Variants in FOSL2 observed in about 807,000 individuals in gnomAD.
FOSL2 encodes FOS like 2, AP-1 transcription factor subunit, also known as fos-related antigen 2.
In FOSL2, 3 loss-of-function variants were observed where a neutral mutation model predicts 27.7. That is an observed-to-expected ratio of 0.11 (90% CI 0.05 to 0.28). The LOEUF (loss-of-function observed/expected upper bound fraction) is 0.28. FOSL2 is among the 10% of genes least tolerant of loss of function. The pLI, the probability that FOSL2 is intolerant of heterozygous loss-of-function variation, is 1.00. For synonymous variants in FOSL2, 179 were observed against 190.1 expected, an observed-to-expected ratio of 0.94 and a Z score of 0.48; for missense variants, 333 against 445.1, an observed-to-expected ratio of 0.75 and a Z score of 2.27.
At chr2:28,394,439 CCCTG>C (rs1192536380) in intron 1 of FOSL2, 6 of 153,024 alleles carry the variant, frequency 3.9e-5, no homozygotes, top group Non-Finnish European at 8.8e-5. Flanking sequence ...CCTGTGTGCC[CCCTG>C]CCTGCCTGCC....
intron 1 of FOSL2, among the ~76,000 whole-genome samples, chr2:28,399,583 T>C (rs924865372): frequency 6.6e-6 from 1 of 152,192 alleles, no homozygotes; most frequent in Non-Finnish European, 1.5e-5. Flanking sequence ...GGAGTTTCCA[T>C]GCCCAAAGAC....
rs1664209443 is a variant in FOSL2 at position 28,411,931 on chromosome 2, A to C, written c.464A>C (p.Glu155Ala). The C allele has an allele frequency of 6.2e-7, 1 of 1,614,036 alleles. No homozygotes were observed. Among genetic ancestry groups the C allele is most frequent in the Non-Finnish European group, 8.5e-7 (1 of 1,180,028 alleles). The change falls in exon 4 of 4, where the codon GAG becomes GCG. Residue 155 changes from glutamate to alanine, a missense_variant and splice_region_variant. By Grantham distance (107) the Glu-to-Ala change is moderately radical. Coordinates refer to ENST00000264716, the MANE Select transcript of FOSL2 (RefSeq NM_005253.4). ...CACATCCCTCTCTTTCCGTGGCAGGAGACAGAGGAGCTGGAGGAGGAGAAG... is the reference window on the plus strand; with the variant it reads ...CACATCCCTCTCTTTCCGTGGCAGGCGACAGAGGAGCTGGAGGAGGAGAAG... ...RRELTEKLQA[E>A]TEELEEEKSG... is the part of the protein sequence containing the mutation.
chr2:28,406,528 A>G (rs1243741750), intron 2 of FOSL2, among the ~76,000 whole-genome samples: 1 of 152,138 alleles, frequency 6.6e-6, no homozygotes, highest in Non-Finnish European at 1.5e-5. Flanking sequence ...ACAGTGAATT[A>G]GTAGCAGAGC....
At chr2:28,406,740 A>G (rs1664091102) in intron 2 of FOSL2, among the ~76,000 whole-genome samples, 1 of 152,238 alleles carries the variant, frequency 6.6e-6, no homozygotes, top group African/African-American at 2.4e-5. Context: ...GTGGCAGCCT[A>G]GAACTTTGGC....
rs1385546653 is a variant in FOSL2, at chr2:28,404,801, C to CCTACGGG, written c.354+444_354+450dup. The stretch of plus-strand genomic sequence containing the variant: ...TAGTGCAGGCCAGGCACCCAGCAGA[C>CCTACGGG]CTACGGGGTCAAGCTCTGGGTCGGT... On this transcript the variant is annotated intron_variant, in intron 2 of 3. Transcript: ENST00000264716. This position sits in a 1 kb window ranked among gnomAD's most constrained non-coding sequence, Gnocchi z 4.7. 6.6e-6 allele frequency among the ~76,000 whole-genome samples: 1 copy of CCTACGGG among 152,186 alleles called. No homozygotes were observed. Among genetic ancestry groups the CCTACGGG allele is most frequent in the African/African-American group, 2.4e-5 (1 of 41,450 alleles).
intron 2 of FOSL2, among the ~76,000 whole-genome samples, chr2:28,406,747 T>C (rs1572492078): frequency 6.6e-6 from 1 of 152,358 alleles, no homozygotes; most frequent in East Asian, 1.9e-4. Flanking sequence ...CCTAGAACTT[T>C]GGCTGTTCAG....
chr2:28,408,720 G>A lies in FOSL2; in HGVS notation c.355-39G>A, dbSNP rs372787682. Reference sequence around the variant, plus strand: ...TTTTTAAAAAATACTGTGAACCATTGTCTCTGTTCTAACCATGATCCTTGG... The same window carrying A: ...TTTTTAAAAAATACTGTGAACCATTATCTCTGTTCTAACCATGATCCTTGG... On this transcript the variant is annotated intron_variant, in intron 2 of 3. Transcript: ENST00000264716. This position sits in a 1 kb window ranked among gnomAD's most constrained non-coding sequence, Gnocchi z 4.1. 12 of 1,416,654 alleles carry A rather than the reference G, an allele frequency of 8.5e-6. 1 individual carries two copies. The African/African-American group carries it at 8.7e-5, about 10-fold the overall frequency. 87.8% of individuals were successfully genotyped at this position (1,416,654 alleles called of 1,614,324 possible). A position where few individuals can be genotyped will look rare whatever the true frequency, so the allele number is the denominator to read the frequency against.
intron 1 of FOSL2, 137 bp from the exon 2 acceptor site, chr2:28,403,970 C>T (rs1411258782): frequency 1.1e-6 from 1 of 935,374 alleles, no homozygotes; most frequent in East Asian, 2.5e-5. Context: ...CCAGGCCCAC[C>T]TGGGGTCCTG....
chr2:28,396,894 C>T (rs1450495062), intron 1 of FOSL2: 1 of 150,488 alleles, frequency 6.6e-6, no homozygotes, highest in African/African-American at 2.5e-5. Context: ...TTCCTCACAT[C>T]AAAGAACTTT....
rs1375456394 is a variant in FOSL2 at position 28,408,561 on chromosome 2, A to T, written c.355-198A>T. 6.6e-6 allele frequency among the ~76,000 whole-genome samples: 1 copy of T among 152,214 alleles called. No individual in the cohort carries two copies. The highest frequency in any genetic ancestry group is 2.4e-5 in the African/African-American group (1 of 41,450). On this transcript the variant is annotated intron_variant, in intron 2 of 3. Transcript: ENST00000264716. This position sits in a 1 kb window ranked among gnomAD's most constrained non-coding sequence, Gnocchi z 4.1. ...TCACCTTCCGGGGCAGATTCAGCTC[A>T]AAAGAGCCCTCCCAGGCAGCCAGAC...
Position 28,414,873 on chromosome 2 carries a change from G to A in FOSL2, c.*2425G>A, listed in dbSNP as rs1266983536. 1 of 152,202 alleles carries A rather than the reference G, an allele frequency of 6.6e-6. No individual in the cohort carries two copies. Among genetic ancestry groups the A allele is most frequent in the Non-Finnish European group, 1.5e-5 (1 of 68,038 alleles). 9.4% of individuals were successfully genotyped at this position (152,202 alleles called of 1,614,324 possible). On this transcript the variant is annotated 3_prime_UTR_variant, in exon 4 of 4. Coordinates refer to ENST00000264716, the MANE Select transcript of FOSL2 (RefSeq NM_005253.4). The stretch of plus-strand genomic sequence containing the variant: ...AAGAGGACTCTGAGCTACGTGCCCT[G>A]TGAAGACCCCCAGGCTTTGTCATAG...
chr2:28,398,441 C>A (rs967489163), intron 1 of FOSL2, among the ~76,000 whole-genome samples: 1 of 152,248 alleles, frequency 6.6e-6, no homozygotes, highest in Non-Finnish European at 1.5e-5. Context: ...GTGTCATTCC[C>A]ATGGAGTACA....
Position 28,393,095 on chromosome 2 carries a change from G to T in FOSL2, c.-626G>T. 2.4e-6 allele frequency: 1 copy of T among 419,488 alleles called. No homozygotes were observed. Among genetic ancestry groups the T allele is most frequent in the Non-Finnish European group, 4.2e-6 (1 of 235,476 alleles). 26.0% of individuals were successfully genotyped at this position (419,488 alleles called of 1,614,324 possible). ...CGCCAGCTCTACTTGAGCCCCACGA[G>T]CCGCTGTCCCCCTGGCGCGCTCGGG... On this transcript the variant is annotated 5_prime_UTR_variant, in exon 1 of 4. Coordinates refer to ENST00000264716, the MANE Select transcript of FOSL2 (RefSeq NM_005253.4). The surrounding 1 kb of genome is among the most constrained non-coding windows in gnomAD (Gnocchi z 4.6).
chr2:28,412,111 C>G lies in FOSL2; in HGVS notation c.644C>G (p.Ser215Trp), dbSNP rs145636135. ...CAGCCCATGCGCAGTGGGGGTGGCT[C>G]GGTGGGCGCTGTAGTGGTGAAACAG... The part of the protein sequence containing the change: ...GLQPMRSGGG[S>W]VGAVVVKQEP... The change falls in exon 4 of 4, where the codon TCG becomes TGG. Residue 215 changes from serine (S) to tryptophan (W), a missense_variant. By Grantham distance (177) the Ser-to-Trp change is radical. This residue lies in a region of FOSL2 where 136 missense variants were observed against 123.7 expected (regional missense o/e 1.10). Transcript: ENST00000264716. The surrounding 1 kb of genome is among the most constrained non-coding windows in gnomAD (Gnocchi z 7.1). 1.9e-6 allele frequency: 3 copies of G among 1,606,098 alleles called. No homozygotes were observed. The East Asian group carries it at 6.7e-5, about 36-fold the overall frequency.
chr2:28,410,450 C>T (rs1664169831), intron 3 of FOSL2: 3 of 811,874 alleles, frequency 3.7e-6, no homozygotes, highest in Non-Finnish European at 3.0e-6. Flanking sequence ...GCCACCCAGG[C>T]CCCTGAGCCA....
rs1663744943 is a variant in FOSL2, at chr2:28,393,982, C to A, written c.102+160C>A. Among the ~76,000 whole-genome samples the A allele has an allele frequency of 1.3e-5, 2 of 152,110 alleles. No homozygotes were observed. Among genetic ancestry groups the A allele is most frequent in the Non-Finnish European group, 2.9e-5 (2 of 67,942 alleles). On this transcript the variant is annotated intron_variant, in intron 1 of 3. Transcript: ENST00000264716. This position sits in a 1 kb window ranked among gnomAD's most constrained non-coding sequence, Gnocchi z 4.6. ...TTCGTCCTCCCCTTCCCCCCCACCC[C>A]CTTTTAAACTAGGGGATTGGAGAGT... is the stretch of plus-strand genomic sequence containing the variant.
rs1664138521 is a variant in FOSL2, at chr2:28,408,971, C to T, written c.462+105C>T. 1.5e-6 allele frequency: 1 copy of T among 676,480 alleles called. No individual in the cohort carries two copies. Among genetic ancestry groups the T allele is most frequent in the Non-Finnish European group, 2.5e-6 (1 of 405,190 alleles). 41.9% of individuals were successfully genotyped at this position (676,480 alleles called of 1,614,324 possible). A position where few individuals can be genotyped will look rare whatever the true frequency, so the allele number is the denominator to read the frequency against. ...CAGCTGTCTCCTTACCCACAAATGCCCTACAGATGAGTCAGTGGAGATAGA... is the reference window on the plus strand; with the variant it reads ...CAGCTGTCTCCTTACCCACAAATGCTCTACAGATGAGTCAGTGGAGATAGA... On this transcript the variant is annotated intron_variant, in intron 3 of 3. Transcript: ENST00000264716. The surrounding 1 kb of genome is among the most constrained non-coding windows in gnomAD (Gnocchi z 4.1).
rs1374350019 is a variant in FOSL2, at chr2:28,415,365, A to C, written c.*2917A>C. ...CGGCTGAGGCTTAGGAAATTGCTGGAGCCGGCTCCAAGCAGATAATTCACT... is the reference window on the plus strand; with the variant it reads ...CGGCTGAGGCTTAGGAAATTGCTGGCGCCGGCTCCAAGCAGATAATTCACT... On this transcript the variant is annotated 3_prime_UTR_variant, in exon 4 of 4. Transcript: ENST00000264716. 1 of 152,214 alleles carries C rather than the reference A, an allele frequency of 6.6e-6. No individual in the cohort carries two copies. Among genetic ancestry groups the C allele is most frequent in the African/African-American group, 2.4e-5 (1 of 41,440 alleles). The allele number at this position is 152,214 out of a possible 1,614,324, so 9.4% of individuals were successfully genotyped here.
At chr2:28,396,235 C>A (rs1225277181) in intron 1 of FOSL2, among the ~76,000 whole-genome samples, 1 of 151,552 alleles carries the variant, frequency 6.6e-6, no homozygotes, top group Admixed American at 6.6e-5. Flanking sequence ...CCCGTCCTCT[C>A]TAGCTTCATG....
Sources: gnomAD v4.1 joint callset for allele counts (sites outside exome capture counted in the v4.1 genomes callset) on GRCh38, gnomAD v4.1.1 for gene constraint, gnomAD v4.1.1 regional missense constraint, Gnocchi (gnomAD v3.1) non-coding constraint, MANE v1.5 for transcripts, NCBI Gene and HGNC (gene_info 2026-07-23, HGNC 2026-07-21) for gene names.